Variants in SLC35F6 observed in about 807,000 individuals in gnomAD.
SLC35F6 encodes ANT2-binding protein.
SLC35F6 carries 26 observed loss-of-function variants against 29.4 expected under a neutral mutation model. The ratio of observed to expected loss-of-function variants is 0.89; its 90% CI spans 0.65 to 1.23. The LOEUF is 1.23. Ranked by LOEUF, SLC35F6 falls within the 50% of genes most tolerant of loss-of-function variation. The probability of loss-of-function intolerance (pLI) is 0.00; values close to 1 mark genes in which losing one functional copy is unlikely to be tolerated. For missense variants in SLC35F6, 428 were observed against 487.8 expected, an observed-to-expected ratio of 0.88 and a Z score of 1.15; for synonymous variants, 174 against 206.6, an observed-to-expected ratio of 0.84 and a Z score of 1.35.
At chr2:26,772,719 TCAA>T in intron 1 of SLC35F6, among the ~76,000 whole-genome samples, 1 of 152,104 alleles carries the variant, frequency 6.6e-6, no homozygotes, top group South Asian at 2.1e-4. Flanking sequence ...CAGAAGAAGG[TCAA>T]CAAGTCCCCA....
At chr2:26,776,592 G>A (rs910627899) in intron 5 of SLC35F6, 110 bp downstream of exon 5, 47 of 918,636 alleles carry the variant, frequency 5.1e-5, no homozygotes, top group Middle Eastern at 2.7e-4. Flanking sequence ...TTCCTGCCCC[G>A]CCTTGCCTTC....
chr2:26,765,957 C>G (rs1306855825), intron 1 of SLC35F6, among the ~76,000 whole-genome samples: 1 of 152,222 alleles, frequency 6.6e-6, no homozygotes, highest in East Asian at 1.9e-4. Flanking sequence ...AAGGAGAATC[C>G]AGATTGCCAG....
intron 1 of SLC35F6, chr2:26,764,916 G>A (rs2148053339): frequency 2.0e-6 from 2 of 985,408 alleles, no homozygotes; most frequent in African/African-American, 1.7e-5. Flanking sequence ...GTGGGATTTC[G>A]GAATGTGTCT....
At position 26,775,554 on chromosome 2, in the gene SLC35F6, G is replaced by A. The variant is rs138268825; in HGVS notation, c.413G>A (p.Arg138Gln). The A allele has an allele frequency of 1.7e-5, 27 of 1,607,450 alleles. No homozygotes were observed. The African/African-American group carries it at 1.8e-4, about 10-fold the overall frequency. The change falls in exon 4 of 6, where the codon CGG (arginine) becomes CAG (glutamine). Residue 138 changes from arginine to glutamine, a missense_variant. Physicochemically the swap from Arg to Gln is conservative, Grantham distance 43 (BLOSUM62 1). Coordinates refer to ENST00000344420, the MANE Select transcript of SLC35F6 (RefSeq NM_017877.4). This position sits in a 1 kb window ranked among gnomAD's most constrained non-coding sequence, Gnocchi z 4.6. The part of the protein sequence containing the change: ...TGLFSVAFLG[R>Q]RLVLSQWLGI... ...CTGTTCTCGGTGGCCTTCCTGGGCC[G>A]GAGGCTGGTGCTGAGCCAGTGGCTG...
chr2:26,773,272 G>T (rs187308694), intron 1 of SLC35F6, among the ~76,000 whole-genome samples: 132 of 152,154 alleles, frequency 8.7e-4, no homozygotes, highest in Non-Finnish European at 1.4e-3. Context: ...AGGCTGAGGA[G>T]GGTGGTTCAC....
At chr2:26,773,135 A>G (rs941369650) in intron 1 of SLC35F6, among the ~76,000 whole-genome samples, 3 of 152,140 alleles carry the variant, frequency 2.0e-5, no homozygotes, top group Non-Finnish European at 4.4e-5. Flanking sequence ...TTTTCATGCC[A>G]TGGGACTCTT....
chr2:26,776,203 G>A (rs1664297419), intron 4 of SLC35F6, among the ~76,000 whole-genome samples, 169 bp from the exon 5 acceptor site: 1 of 152,236 alleles, frequency 6.6e-6, no homozygotes, highest in Non-Finnish European at 1.5e-5. Context: ...CTGCTGGCAT[G>A]CCCCTCAGGA....
In SLC35F6 at chr2:26,780,485, T is replaced by TG. The variant is rs1204269653; in HGVS notation, c.*1975dup. 1.3e-5 allele frequency: 2 copies of TG among 152,234 alleles called. No homozygotes were observed. Among genetic ancestry groups the TG allele is most frequent in the African/African-American group, 4.8e-5 (2 of 41,460 alleles). 9.4% of individuals were successfully genotyped at this position (152,234 alleles called of 1,614,324 possible). On this transcript the variant is annotated 3_prime_UTR_variant, in exon 6 of 6. Transcript: ENST00000344420. ...AGAATAATTCTGGTATCCTGGGCGT[T>TG]GCGTTAAGTTGCTTAACTTTCATTC...
intron 1 of SLC35F6, chr2:26,764,691 G>C: frequency 1.4e-6 from 1 of 706,834 alleles, no homozygotes; most frequent in South Asian, 6.3e-5. Flanking sequence ...AGGAGGGTTG[G>C]CCGATTCCTT....
At chr2:26,774,810 T>C (rs1009445811) in intron 2 of SLC35F6, among the ~76,000 whole-genome samples, 2 of 152,106 alleles carry the variant, frequency 1.3e-5, no homozygotes, top group African/African-American at 4.8e-5. Flanking sequence ...CCTAGATGGA[T>C]GGTTTTCAGA....
intron 1 of SLC35F6, among the ~76,000 whole-genome samples, chr2:26,771,664 CA>C (rs1451385551): frequency 6.6e-6 from 1 of 152,180 alleles, no homozygotes; most frequent in Non-Finnish European, 1.5e-5. Context: ...GAGCCAACAG[CA>C]TATCAGGCAG....
Position 26,778,290 on chromosome 2 carries a change from C to T in SLC35F6, c.895C>T (p.Arg299Cys), listed in dbSNP as rs762124888. 23 of 1,614,062 alleles carry T rather than the reference C, an allele frequency of 1.4e-5. No individual in the cohort carries two copies. The highest frequency in any genetic ancestry group is 1.3e-4 in the Admixed American group (8 of 60,004). ...ATTRMVLDSL[R>C]TVVIWALSLA... ...CACCCGCATGGTGTTGGACAGCTTG[C>T]GCACCGTTGTCATCTGGGCACTGAG... Residue 299 changes from arginine to cysteine, a missense_variant, in exon 6 of 6, where the codon CGC becomes TGC. By Grantham distance (180) the Arg-to-Cys change is radical. Transcript: ENST00000344420.
At chr2:26,773,565 C>T (rs1228712432) in intron 1 of SLC35F6, among the ~76,000 whole-genome samples, 1 of 145,890 alleles carries the variant, frequency 6.9e-6, no homozygotes, top group Non-Finnish European at 1.5e-5. Flanking sequence ...ATACAGTTAT[C>T]AAACACTTAA....
rs574197365 is a variant in SLC35F6, at chr2:26,774,954, T to G, written c.151-90T>G. The G allele has an allele frequency of 1.8e-4, 262 of 1,427,274 alleles. 1 individual carries two copies. Among genetic ancestry groups the G allele is most frequent in the South Asian group, 1.2e-3 (83 of 68,996 alleles). 88.4% of individuals were successfully genotyped at this position (1,427,274 alleles called of 1,614,324 possible). A position where few individuals can be genotyped will look rare whatever the true frequency, so the allele number is the denominator to read the frequency against. On this transcript the variant is annotated intron_variant, in intron 2 of 5. Coordinates refer to ENST00000344420, the MANE Select transcript of SLC35F6 (RefSeq NM_017877.4). The stretch of plus-strand genomic sequence containing the variant: ...TATTGGGGTTCTGGGTAAGCTCTTG[T>G]TTGACAAAAGTTTGCATTAAAAAAA...
chr2:26,765,720 ACCT>A (rs1664085611), intron 1 of SLC35F6, among the ~76,000 whole-genome samples: 1 of 152,122 alleles, frequency 6.6e-6, no homozygotes, highest in South Asian at 2.1e-4. Context: ...CCTCTGGTTC[ACCT>A]CTGGCCAACT....
intron 4 of SLC35F6, among the ~76,000 whole-genome samples, chr2:26,776,022 A>G (rs1048240360): frequency 5.9e-5 from 9 of 152,198 alleles, no homozygotes; most frequent in African/African-American, 1.9e-4. Context: ...ACAGGCCCCA[A>G]ACGGATGCAT....
In SLC35F6 at chr2:26,779,710, G is replaced by A. The variant is rs1244383763; in HGVS notation, c.*1199G>A. ...TTTTGCATTCTTTAATAGAGACGGG[G>A]TTTTGCCATGTTGGCCAGGATGGTC... On this transcript the variant is annotated 3_prime_UTR_variant, in exon 6 of 6. Transcript: ENST00000344420. 6.6e-6 allele frequency: 1 copy of A among 151,760 alleles called. No individual in the cohort carries two copies. Among genetic ancestry groups the A allele is most frequent in the African/African-American group, 2.4e-5 (1 of 41,250 alleles). The allele number at this position is 151,760 out of a possible 1,614,324, so 9.4% of individuals were successfully genotyped here. A position where few individuals can be genotyped will look rare whatever the true frequency, so the allele number is the denominator to read the frequency against.
In SLC35F6 at chr2:26,776,381, T is replaced by C. The variant is rs773486399; in HGVS notation, c.545T>C (p.Leu182Ser). The change falls in exon 5 of 6, where the codon TTG becomes TCG. Residue 182 changes from leucine (L) to serine (S), a missense_variant. Leu to Ser is a moderately radical substitution (Grantham distance 145). Transcript: ENST00000344420. ...KLSEVITGDLLIIMAQIIVAI... is the reference protein window; with the variant it reads ...KLSEVITGDLSIIMAQIIVAI... ...CCCTCCTTCCCCACAGGGGACCTGT[T>C]GATCATCATGGCCCAGATCATCGTT... The C allele has an allele frequency of 2.8e-5, 46 of 1,614,110 alleles. No homozygotes were observed. In the Admixed American group the frequency reaches 7.7e-4, roughly 27 times the overall value.
chr2:26,771,372 A>G lies in SLC35F6; in HGVS notation c.78-2879A>G, dbSNP rs190209732. Among the ~76,000 whole-genome samples the G allele has an allele frequency of 5.3e-5, 8 of 152,348 alleles. No individual in the cohort carries two copies. The East Asian group carries it at 1.3e-3, about 26-fold the overall frequency. Reference sequence around the variant, plus strand: ...TGCCTGAAGCTTCTGATCAACCTTCATGGCCTGGCAATAGCTCCCTTGTCC... The same window carrying G: ...TGCCTGAAGCTTCTGATCAACCTTCGTGGCCTGGCAATAGCTCCCTTGTCC... On this transcript the variant is annotated intron_variant, in intron 1 of 5. Transcript: ENST00000344420.
Sources: gnomAD v4.1 joint callset for allele counts (sites outside exome capture counted in the v4.1 genomes callset) on GRCh38, gnomAD v4.1.1 for gene constraint, Gnocchi (gnomAD v3.1) non-coding constraint, MANE v1.5 for transcripts, NCBI Gene and HGNC (gene_info 2026-07-23, HGNC 2026-07-21) for gene names.